The following FRMPD1 variants were observed in gnomAD, a reference collection of about 807,000 sequenced individuals.
The protein encoded by FRMPD1 is FERM and PDZ domain-containing protein 1.
FRMPD1 carries 76 observed loss-of-function variants against 117.8 expected under a neutral mutation model. The observed-to-expected ratio is 0.65, with a 90% CI of 0.54 to 0.78. FRMPD1 has a LOEUF of 0.78. Ranked by LOEUF, FRMPD1 falls within the 30% of genes least tolerant of loss-of-function variation. The pLI, the probability that FRMPD1 is intolerant of heterozygous loss-of-function variation, is 0.00. For missense variants in FRMPD1, 1,786 were observed against 1,964.5 expected (o/e 0.91, Z 1.72); for synonymous variants, 783 against 770.4 (o/e 1.02, Z -0.27).
chr9:37,717,341 A>ATGTGTGTG (rs59852335), intron 5 of FRMPD1, among the ~76,000 whole-genome samples: 19,573 of 119,284 alleles, frequency 0.16, 2,047 homozygotes, highest in Non-Finnish European at 0.23. Context: ...ATGTGTATAT[A>ATGTGTGTG]TGTGTGTGTG....
At chr9:37,668,991 G>A (rs1057263249) in intron 1 of FRMPD1, among the ~76,000 whole-genome samples, 9 of 152,136 alleles carry the variant, frequency 5.9e-5, no homozygotes, top group Admixed American at 1.3e-4. Flanking sequence ...AGACTTTCAC[G>A]TTGAATAAAT....
At chr9:37,638,136 T>C in the FRMPD1 span, among the ~76,000 whole-genome samples, 3 of 151,538 alleles carry the variant, frequency 2.0e-5, no homozygotes, top group Non-Finnish European at 4.4e-5. Context: ...TGCACTGGCG[T>C]TATCTCGGCT....
chr9:37,652,663 A>G (rs1244536778), intron 1 of FRMPD1, among the ~76,000 whole-genome samples: 1 of 152,236 alleles, frequency 6.6e-6, no homozygotes, highest in East Asian at 1.9e-4. Flanking sequence ...TAATTTGTCC[A>G]GAGCCTTTTA....
chr9:37,684,073 G>T (rs545650842), intron 1 of FRMPD1, among the ~76,000 whole-genome samples: 1 of 149,180 alleles, frequency 6.7e-6, no homozygotes, highest in African/African-American at 2.5e-5. Flanking sequence ...AAAGGCTTTG[G>T]GGGGAACAAC....
In FRMPD1 at chr9:37,717,341, ATGTGTGTGTG is replaced by A. The variant is rs59852335; in HGVS notation, c.409-1708_409-1699del. ...TATGTGTGTGTGTGTATGTGTATAT[ATGTGTGTGTG>A]TGTGTGTGTGTGTGTGTGTATATAT... On this transcript the variant is annotated intron_variant, in intron 5 of 15. Transcript: ENST00000377765. Among the ~76,000 whole-genome samples the A allele has an allele frequency of 5.4e-4, 65 of 120,170 alleles. No homozygotes were observed. The East Asian group carries it at 0.013, about 24-fold the overall frequency. The allele number at this position is 120,170 out of a possible 152,430, so 78.8% of individuals were successfully genotyped here.
chr9:37,635,440 G>C, the FRMPD1 span, among the ~76,000 whole-genome samples: 1 of 149,136 alleles, frequency 6.7e-6, no homozygotes, highest in Non-Finnish European at 1.5e-5. Context: ...CTTTTTTTTT[G>C]TTTTCCTTGC....
intron 6 of FRMPD1, among the ~76,000 whole-genome samples, chr9:37,720,865 G>A (rs568474520): frequency 3.9e-5 from 6 of 152,346 alleles, no homozygotes; most frequent in Admixed American, 6.5e-5. Flanking sequence ...TCAGCCTGGC[G>A]ACAGAGTGAG....
In FRMPD1 at chr9:37,746,596, G is replaced by C. The variant is rs373957529; in HGVS notation, c.4564G>C (p.Gly1522Arg). 12 of 1,613,916 alleles carry C rather than the reference G, an allele frequency of 7.4e-6. No homozygotes were observed. In the African/African-American group the frequency reaches 1.6e-4, roughly 22 times the overall value. ...CTCCGCCCGGCACAGGGAGGCAGCG[G>C]GGAACCTGAGGGATGTGGTGTACAC... Reference protein sequence around the residue: ...RCSARHREAAGNLRDVVYTYH... With the variant: ...RCSARHREAARNLRDVVYTYH... Residue 1522 changes from glycine (G) to arginine (R), a missense_variant, in exon 16 of 16, where the codon GGG becomes CGG. Physicochemically the swap from Gly to Arg is moderately radical, Grantham distance 125 (BLOSUM62 -2). Coordinates refer to ENST00000377765, the MANE Select transcript of FRMPD1 (RefSeq NM_014907.3).
chr9:37,704,578 A>T (rs1004116984), intron 2 of FRMPD1, among the ~76,000 whole-genome samples: 2 of 152,090 alleles, frequency 1.3e-5, no homozygotes, highest in Non-Finnish European at 2.9e-5. Flanking sequence ...AAAATCTCTC[A>T]GAGCAAGATT....
upstream of FRMPD1, among the ~76,000 whole-genome samples, chr9:37,648,526 G>T (rs1820573224): frequency 6.6e-6 from 1 of 152,172 alleles, no homozygotes; most frequent in African/African-American, 2.4e-5. Context: ...ATGAAAATAG[G>T]AAAGACTGGA....
At chr9:37,724,864 T>C (rs1823554922) in intron 7 of FRMPD1, among the ~76,000 whole-genome samples, 1 of 152,104 alleles carries the variant, frequency 6.6e-6, no homozygotes, top group Admixed American at 6.6e-5. Flanking sequence ...AGGGAATGCT[T>C]GATTGTCCAA....
intron 2 of FRMPD1, among the ~76,000 whole-genome samples, chr9:37,698,316 T>G (rs930851418): frequency 4.6e-5 from 7 of 152,188 alleles, no homozygotes; most frequent in Non-Finnish European, 1.0e-4. Flanking sequence ...ACTGGATTTT[T>G]TTTCCAAATT....
At chr9:37,723,592 T>A (rs1411933447) in intron 6 of FRMPD1, among the ~76,000 whole-genome samples, 1 of 152,198 alleles carries the variant, frequency 6.6e-6, no homozygotes, top group Non-Finnish European at 1.5e-5. Context: ...GCATGGTGGC[T>A]CACGCCTATA....
intron 5 of FRMPD1, among the ~76,000 whole-genome samples, chr9:37,717,580 A>G (rs1224148173): frequency 6.6e-6 from 1 of 151,934 alleles, no homozygotes; most frequent in African/African-American, 2.4e-5. Context: ...GGGTTTCGCC[A>G]TGTTGGCCAG....
chr9:37,727,941 G>T (rs116329757), intron 7 of FRMPD1: 1 of 152,252 alleles, frequency 6.6e-6, no homozygotes, highest in African/African-American at 2.4e-5. Flanking sequence ...GTGAAAGTTT[G>T]TGTGCATCTA....
At chr9:37,716,892 G>A (rs761718175) in intron 5 of FRMPD1, among the ~76,000 whole-genome samples, 1 of 152,114 alleles carries the variant, frequency 6.6e-6, no homozygotes, top group Non-Finnish European at 1.5e-5. Flanking sequence ...CCTGATATCT[G>A]ATGACACCTT....
chr9:37,717,433 A>G (rs146993902), intron 5 of FRMPD1, among the ~76,000 whole-genome samples: 2,984 of 146,224 alleles, frequency 0.02, 100 homozygotes, highest in African/African-American at 0.069. Flanking sequence ...AGGCTGGAGT[A>G]CAGTGGTGCA....
the FRMPD1 span, among the ~76,000 whole-genome samples, chr9:37,627,917 A>G: frequency 6.6e-6 from 1 of 152,172 alleles, no homozygotes; most frequent in African/African-American, 2.4e-5. Flanking sequence ...CCAGGTTTAA[A>G]TTCAACTCAA....
chr9:37,656,174 C>T (rs958704987), intron 1 of FRMPD1, among the ~76,000 whole-genome samples: 1 of 152,142 alleles, frequency 6.6e-6, no homozygotes, highest in South Asian at 2.1e-4. Flanking sequence ...TGGTCTGTAT[C>T]GGATTGACAA....
Sources: allele counts gnomAD v4.1 joint callset (sites outside exome capture counted in the v4.1 genomes callset), GRCh38; gene constraint gnomAD v4.1.1; transcripts MANE v1.5; gene names NCBI Gene and HGNC (gene_info 2026-07-23, HGNC 2026-07-21).